Variants in GGTA1 observed in about 807,000 individuals in gnomAD.
GGTA1 encodes glycoprotein alpha-galactosyltransferase 1 (inactive).
Under a neutral mutation model 2.6 loss-of-function variants are expected in GGTA1, and 5 were observed. That is an observed-to-expected ratio of 1.92 (90% CI 1.00 to 4.04). GGTA1 has a LOEUF of 4.04. GGTA1 is among the 30% of genes most tolerant of loss of function. GGTA1 has a pLI of 0.00. For missense variants in GGTA1, 50 were observed against 16.7 expected (o/e 2.99, Z -3.47); for synonymous variants, 17 against 5.0 (o/e 3.38, Z -3.19).
chr9:121,475,831 A>T (rs6478512), intron 1 of GGTA1, among the ~76,000 whole-genome samples: 143,150 of 152,248 alleles, frequency 0.94, 67,667 homozygotes, highest in Non-Finnish European at 0.99. Context: ...CTCTAGTCTT[A>T]AGTCCTCCAG....
At chr9:121,457,530 C>T (rs1042526101) in intron 5 of GGTA1, among the ~76,000 whole-genome samples, 5 of 151,866 alleles carry the variant, frequency 3.3e-5, no homozygotes, top group African/African-American at 9.7e-5. Context: ...GAAACCCCGT[C>T]TCTAATAAAA....
intron 2 of GGTA1, among the ~76,000 whole-genome samples, chr9:121,466,494 G>A (rs146133583): frequency 7.8e-4 from 119 of 152,274 alleles, no homozygotes; most frequent in African/African-American, 2.7e-3. Context: ...GAGTTGTGCA[G>A]AATGAAACAA....
chr9:121,492,769 C>T lies in GGTA1; in HGVS notation c.-10+6881G>A, dbSNP rs188700002. Among the ~76,000 whole-genome samples the T allele has an allele frequency of 3.3e-5, 5 of 152,166 alleles. 1 individual carries two copies. The highest frequency in any genetic ancestry group is 2.0e-4 in the Admixed American group (3 of 15,292). On this transcript the variant is annotated intron_variant, in intron 1 of 5. Coordinates refer to ENST00000481799, the MANE Select transcript of GGTA1 (RefSeq NM_001382585.1). ...GATTACAGGCATGAGCCACCGCGCCCGGTCGAGTTCAGGGCTTTTAAAGCA... is the reference window on the plus strand; with the variant it reads ...GATTACAGGCATGAGCCACCGCGCCTGGTCGAGTTCAGGGCTTTTAAAGCA...
At chr9:121,465,266 G>C (rs1364704204) in intron 2 of GGTA1, among the ~76,000 whole-genome samples, 1 of 152,252 alleles carries the variant, frequency 6.6e-6, no homozygotes, top group African/African-American at 2.4e-5. Context: ...ATCTGATCAA[G>C]TGTTCAAACT....
intron 1 of GGTA1, among the ~76,000 whole-genome samples, chr9:121,477,162 G>A (rs906797942): frequency 1.3e-5 from 2 of 152,194 alleles, no homozygotes; most frequent in Non-Finnish European, 2.9e-5. Context: ...TGATCTGGCT[G>A]GAGCCACCTG....
At chr9:121,495,257 T>A (rs1828967076) in intron 1 of GGTA1, among the ~76,000 whole-genome samples, 1 of 151,874 alleles carries the variant, frequency 6.6e-6, no homozygotes, top group South Asian at 2.1e-4. Context: ...AAGAGTTGAC[T>A]ATCCTGGGCC....
chr9:121,494,086 C>T (rs1167486510), intron 1 of GGTA1, among the ~76,000 whole-genome samples: 1 of 152,104 alleles, frequency 6.6e-6, no homozygotes, highest in Non-Finnish European at 1.5e-5. Flanking sequence ...GAATCTCCTC[C>T]TCCATCTCAG....
intron 1 of GGTA1, among the ~76,000 whole-genome samples, chr9:121,486,600 C>T (rs146743727): frequency 5.8e-4 from 89 of 152,292 alleles, no homozygotes; most frequent in African/African-American, 1.8e-3. Context: ...GCGGGTGGCA[C>T]GCTGCTGTGA....
At chr9:121,454,622 C>A (rs558374659), downstream of GGTA1, among the ~76,000 whole-genome samples, 1 of 152,288 alleles carries the variant, frequency 6.6e-6, no homozygotes, top group South Asian at 2.1e-4. Flanking sequence ...AGCTGAGCTA[C>A]CACGTACACT....
At chr9:121,484,142 A>G (rs1218861254) in intron 1 of GGTA1, among the ~76,000 whole-genome samples, 2 of 152,158 alleles carry the variant, frequency 1.3e-5, no homozygotes, top group Non-Finnish European at 2.9e-5. Flanking sequence ...AGACCTCACC[A>G]CTATGCAGTA....
downstream of GGTA1, chr9:121,452,138 A>T (rs915043306): frequency 6.6e-6 from 1 of 152,660 alleles, no homozygotes; most frequent in Non-Finnish European, 1.5e-5. Context: ...TATCAGTGAC[A>T]TCTACCTTCC....
At chr9:121,459,318 G>A (rs943989096) in intron 5 of GGTA1, among the ~76,000 whole-genome samples, 6 of 152,162 alleles carry the variant, frequency 3.9e-5, no homozygotes, top group African/African-American at 7.2e-5. Flanking sequence ...TTAGCTGGCC[G>A]TGGTGGCGCA....
intron 7 of GGTA1, among the ~76,000 whole-genome samples, chr9:121,448,752 C>T (rs961397139): frequency 2.0e-5 from 3 of 152,184 alleles, no homozygotes; most frequent in African/African-American, 7.2e-5. Context: ...CCCCACCCCT[C>T]CACTATCAAC....
At chr9:121,449,424 A>G (rs1033124754) in intron 7 of GGTA1, among the ~76,000 whole-genome samples, 1 of 152,206 alleles carries the variant, frequency 6.6e-6, no homozygotes, top group Admixed American at 6.5e-5. Context: ...GCAATGAATA[A>G]GTGTTCCTGT....
chr9:121,493,472 T>G (rs773821424), intron 1 of GGTA1, among the ~76,000 whole-genome samples: 8 of 152,196 alleles, frequency 5.3e-5, no homozygotes, highest in African/African-American at 7.2e-5. Context: ...GGAAAATCAT[T>G]TCTGTTCTGC....
intron 1 of GGTA1, among the ~76,000 whole-genome samples, chr9:121,479,873 T>G (rs1248097434): frequency 6.6e-6 from 1 of 152,152 alleles, no homozygotes. Flanking sequence ...TATAGAATGT[T>G]ACGGGATCTC....
chr9:121,474,203 G>A (rs562946329), intron 1 of GGTA1, among the ~76,000 whole-genome samples: 112 of 151,956 alleles, frequency 7.4e-4, no homozygotes, highest in Non-Finnish European at 1.0e-3. Context: ...AGCCCCAGTT[G>A]CACAGCCTGC....
chr9:121,464,996 C>CAAA (rs2064993255), intron 2 of GGTA1, among the ~76,000 whole-genome samples: 1 of 112,830 alleles, frequency 8.9e-6, no homozygotes, highest in Non-Finnish European at 2.0e-5. Flanking sequence ...GGCAAAAAAA[C>CAAA]AAAACAAACA....
chr9:121,489,831 C>T (rs1828838862), intron 1 of GGTA1, among the ~76,000 whole-genome samples: 2 of 152,080 alleles, frequency 1.3e-5, no homozygotes, highest in African/African-American at 4.8e-5. Flanking sequence ...GTGGGGTTGC[C>T]CCCAGTCACA....
Sources: allele counts gnomAD v4.1 joint callset (sites outside exome capture counted in the v4.1 genomes callset), GRCh38; gene constraint gnomAD v4.1.1; transcripts MANE v1.5; gene names NCBI Gene and HGNC (gene_info 2026-07-23, HGNC 2026-07-21).